Variants in MFSD8 observed in about 807,000 individuals in gnomAD.
MFSD8 encodes major facilitator superfamily domain containing 8.
A neutral mutation model predicts 66.4 loss-of-function variants in MFSD8; 55 were observed. That is an observed-to-expected ratio of 0.83 (90% CI 0.67 to 1.04). The LOEUF is 1.04. Ranked by LOEUF, MFSD8 falls within the 50% of genes least tolerant of loss-of-function variation. MFSD8 has a pLI of 0.00. For missense variants in MFSD8, 550 were observed against 627.6 expected (o/e 0.88, Z 1.32); for synonymous variants, 202 against 212.8 (o/e 0.95, Z 0.44).
At chr4:127,956,547 G>T (rs533364226) in intron 2 of MFSD8, among the ~76,000 whole-genome samples, 2 of 151,196 alleles carry the variant, frequency 1.3e-5, no homozygotes, top group Non-Finnish European at 1.5e-5. Context: ...AACTGGGGGC[G>T]GTGACTCACG....
chr4:127,928,147 G>A (rs765974326), intron 9 of MFSD8, among the ~76,000 whole-genome samples: 3 of 152,106 alleles, frequency 2.0e-5, no homozygotes, highest in Non-Finnish European at 4.4e-5. Context: ...CACCTCCCAG[G>A]TTGAAGCGAT....
Position 127,919,670 on chromosome 4 carries a change from A to G in MFSD8, c.*960T>C, listed in dbSNP as rs1232652754. On this transcript the variant is annotated 3_prime_UTR_variant, in exon 12 of 12. Transcript: ENST00000641686. ...TCCAACTAAAATTCTGCAGCTCTAC[A>G]CAACTATGCAGACATAGATTGAAAA... The G allele has an allele frequency of 6.6e-6, 1 of 152,144 alleles. No homozygotes were observed. Among genetic ancestry groups the G allele is most frequent in the Admixed American group, 6.6e-5 (1 of 15,256 alleles). The allele number at this position is 152,144 out of a possible 1,614,324, so 9.4% of individuals were successfully genotyped here.
chr4:127,949,961 C>G, intron 2 of MFSD8, 114 bp from the exon 3 acceptor site: 1 of 807,214 alleles, frequency 1.2e-6, no homozygotes, highest in Admixed American at 2.5e-5. Context: ...AAAATCTATG[C>G]ATACAAATGC....
intron 1 of MFSD8, chr4:127,964,868 G>T: frequency 1.5e-6 from 1 of 652,064 alleles, no homozygotes; most frequent in Non-Finnish European, 2.7e-6. Flanking sequence ...GAACCCACGG[G>T]CTCATCACCG....
intron 6 of MFSD8, chr4:127,939,074 T>C (rs939811074): frequency 4.7e-5 from 16 of 337,862 alleles, no homozygotes; most frequent in Non-Finnish European, 7.0e-5. Flanking sequence ...TCCTAAAGCA[T>C]ACATGATCTA....
intron 1 of MFSD8, among the ~76,000 whole-genome samples, chr4:127,962,146 G>A (rs959261632): frequency 3.9e-5 from 6 of 152,260 alleles, no homozygotes; most frequent in East Asian, 1.9e-4. Context: ...AAAAGCAGAC[G>A]TAAGTACTTA....
chr4:127,942,310 T>G, intron 4 of MFSD8, 152 bp from the exon 5 acceptor site: 1 of 663,972 alleles, frequency 1.5e-6, no homozygotes, highest in Non-Finnish European at 2.7e-6. Flanking sequence ...TGTAAGGTAT[T>G]TTTATTAAGC....
chr4:127,938,642 T>A (rs997780563), intron 7 of MFSD8, 141 bp downstream of exon 7: 2 of 384,872 alleles, frequency 5.2e-6, no homozygotes, highest in Non-Finnish European at 4.8e-6. Context: ...TAAATTTAGG[T>A]CACTTTCAGC....
At position 127,918,768 on chromosome 4, in the gene MFSD8, A is replaced by C. The variant is rs1469579468; in HGVS notation, c.*1862T>G. 8 of 152,110 alleles carry C rather than the reference A, an allele frequency of 5.3e-5. No homozygotes were observed. The highest frequency in any genetic ancestry group is 8.8e-5 in the Non-Finnish European group (6 of 68,016). 9.4% of individuals were successfully genotyped at this position (152,110 alleles called of 1,614,324 possible). A position where few individuals can be genotyped will look rare whatever the true frequency, so the allele number is the denominator to read the frequency against. ...AAACGGGAATCATAATAGTATTTTC[A>C]CTCCATAAGACTGCTGTAAGAATTA... On this transcript the variant is annotated 3_prime_UTR_variant, in exon 12 of 12. Coordinates refer to ENST00000641686, the MANE Select transcript of MFSD8 (RefSeq NM_001371596.2).
intron 2 of MFSD8, among the ~76,000 whole-genome samples, chr4:127,953,251 G>A (rs1036809653): frequency 1.3e-5 from 2 of 151,988 alleles, no homozygotes; most frequent in African/African-American, 2.4e-5. Context: ...CACTTTGGGA[G>A]GCTGAGGCGG....
chr4:127,964,055 T>C (rs1264380726), intron 1 of MFSD8, among the ~76,000 whole-genome samples: 4 of 152,346 alleles, frequency 2.6e-5, no homozygotes, highest in Non-Finnish European at 4.4e-5. Flanking sequence ...AGGGTGCTGA[T>C]TGGTGTGTTT....
chr4:127,919,661 C>A lies in MFSD8; in HGVS notation c.*969G>T, dbSNP rs1736124478. On this transcript the variant is annotated 3_prime_UTR_variant, in exon 12 of 12. Coordinates refer to ENST00000641686, the MANE Select transcript of MFSD8 (RefSeq NM_001371596.2). The stretch of plus-strand genomic sequence containing the variant: ...AATTAAAAATCCAACTAAAATTCTG[C>A]AGCTCTACACAACTATGCAGACATA... The A allele has an allele frequency of 6.6e-6, 1 of 151,020 alleles. No homozygotes were observed. Among genetic ancestry groups the A allele is most frequent in the African/African-American group, 2.4e-5 (1 of 41,000 alleles). 9.4% of individuals were successfully genotyped at this position (151,020 alleles called of 1,614,324 possible).
rs1265924801 is a variant in MFSD8 at position 127,921,541 on chromosome 4, G to T, written c.1333C>A (p.Leu445Ile). 2 of 1,614,036 alleles carry T rather than the reference G, an allele frequency of 1.2e-6. No individual in the cohort carries two copies. The highest frequency in any genetic ancestry group is 8.5e-7 in the Non-Finnish European group (1 of 1,180,028). ...TGGCTTACCTGAGGTTTTGGTCCTA[G>T]AATTTTTGAATATAGAGTATAGGAC... ...LMSYTLYSKI[L>I]GPKPQGVYMG... The change falls in exon 11 of 12, where the codon CTA (leucine) becomes ATA (isoleucine). Residue 445 changes from leucine to isoleucine, a missense_variant. Coordinates refer to ENST00000641686, the MANE Select transcript of MFSD8 (RefSeq NM_001371596.2).
In MFSD8 at chr4:127,958,788, ATTGT is replaced by A. The variant is rs200278770; in HGVS notation, c.63-1200_63-1197del. Among the ~76,000 whole-genome samples the A allele has an allele frequency of 3.9e-3, 596 of 152,306 alleles. 3 individuals are homozygous for A. The highest frequency in any genetic ancestry group is 0.01 in the African/African-American group (425 of 41,558). On this transcript the variant is annotated intron_variant, in intron 1 of 11. Coordinates refer to ENST00000641686, the MANE Select transcript of MFSD8 (RefSeq NM_001371596.2). Reference sequence around the variant, plus strand: ...TATTTGATTCTAAAAAAATAATAAAATTGTTTGAGTGACTGATTTAGAGCTCAGA... The same window carrying A: ...TATTTGATTCTAAAAAAATAATAAAATTGAGTGACTGATTTAGAGCTCAGA...
chr4:127,962,957 T>C (rs760637903), intron 1 of MFSD8, among the ~76,000 whole-genome samples: 86 of 152,226 alleles, frequency 5.6e-4, no homozygotes, highest in Non-Finnish European at 2.6e-4. Flanking sequence ...ATTATGGTCA[T>C]AGACAGCTGA....
intron 9 of MFSD8, among the ~76,000 whole-genome samples, chr4:127,923,552 T>TTTA (rs200387529): frequency 0.25 from 32,320 of 130,214 alleles, 4,042 homozygotes; most frequent in East Asian, 0.29. Context: ...TTTATTTTTA[T>TTTA]TTATTATTAT....
intron 9 of MFSD8, among the ~76,000 whole-genome samples, chr4:127,926,885 T>G (rs1737291692): frequency 6.6e-6 from 1 of 152,234 alleles, no homozygotes; most frequent in Non-Finnish European, 1.5e-5. Context: ...ATTTTGAATT[T>G]TGATATTTTT....
chr4:127,932,948 CATA>C, intron 8 of MFSD8, 34 bp downstream of exon 8: 1 of 1,542,928 alleles, frequency 6.5e-7, no homozygotes, highest in Non-Finnish European at 9.0e-7. Flanking sequence ...AAGGTTAAAA[CATA>C]ATCTGATTCA....
At chr4:127,961,078 A>T (rs570392506) in intron 1 of MFSD8, among the ~76,000 whole-genome samples, 5 of 152,152 alleles carry the variant, frequency 3.3e-5, no homozygotes, top group Non-Finnish European at 5.9e-5. Flanking sequence ...AGTGGGGAGC[A>T]CTGAGGATTC....
Sources: allele counts gnomAD v4.1 joint callset (sites outside exome capture counted in the v4.1 genomes callset), GRCh38; gene constraint gnomAD v4.1.1; transcripts MANE v1.5; gene names NCBI Gene and HGNC (gene_info 2026-07-23, HGNC 2026-07-21).